Variants in SLC17A6 observed in about 807,000 individuals in gnomAD.
SLC17A6 encodes the protein vesicular glutamate transporter 2.
SLC17A6 carries 35 observed loss-of-function variants against 67.1 expected under a neutral mutation model. The observed-to-expected ratio is 0.52, with a 90% confidence interval of 0.40 to 0.69. The LOEUF is 0.69. SLC17A6 is among the 30% of genes least tolerant of loss of function. The pLI, the probability that SLC17A6 is intolerant of heterozygous loss-of-function variation, is 0.00. For missense variants in SLC17A6, 588 were observed against 723.9 expected (o/e 0.81, Z 2.15); for synonymous variants, 285 against 252.3 (o/e 1.13, Z -1.23).
chr11:22,343,634 CG>C (rs1338457202), intron 3 of SLC17A6, among the ~76,000 whole-genome samples: 1 of 152,122 alleles, frequency 6.6e-6, no homozygotes, highest in Non-Finnish European at 1.5e-5. Flanking sequence ...AAATAATCGA[CG>C]TGCTGTATGG....
At chr11:22,363,588 A>G (rs1315419902) in intron 6 of SLC17A6, among the ~76,000 whole-genome samples, 1 of 152,190 alleles carries the variant, frequency 6.6e-6, no homozygotes, top group Non-Finnish European at 1.5e-5. Context: ...GTAGAACAGT[A>G]TCTGGCTGCT....
At chr11:22,344,681 G>A (rs909890275) in intron 3 of SLC17A6, among the ~76,000 whole-genome samples, 2 of 152,132 alleles carry the variant, frequency 1.3e-5, no homozygotes, top group Admixed American at 6.6e-5. Context: ...TTGTGTATAT[G>A]TACCACATTT....
In SLC17A6 at chr11:22,338,417, T is replaced by G; in HGVS notation, c.-117T>G. On this transcript the variant is annotated 5_prime_UTR_variant, in exon 1 of 12. Transcript: ENST00000263160. ...TGCTGGAGGCGAGCCACTACCATTC[T>G]GCTGAGAAGGAAAAGCCCGCAACTA... The G allele has an allele frequency of 1.4e-6, 1 of 701,690 alleles. No homozygotes were observed. The highest frequency in any genetic ancestry group is 2.5e-6 in the Non-Finnish European group (1 of 399,892). 43.5% of individuals were successfully genotyped at this position (701,690 alleles called of 1,614,324 possible).
chr11:22,350,675 C>T (rs544283702), intron 3 of SLC17A6, among the ~76,000 whole-genome samples: 5 of 152,136 alleles, frequency 3.3e-5, no homozygotes, highest in South Asian at 4.1e-4. Flanking sequence ...TTTTCCCCAG[C>T]CCAATTACTG....
chr11:22,358,117 C>T (rs1856010889), intron 3 of SLC17A6, among the ~76,000 whole-genome samples: 1 of 152,090 alleles, frequency 6.6e-6, no homozygotes, highest in Non-Finnish European at 1.5e-5. Flanking sequence ...AAAGTGCCCA[C>T]AAGAAAGATT....
intron 1 of SLC17A6, among the ~76,000 whole-genome samples, chr11:22,340,774 A>G (rs921736054): frequency 6.6e-6 from 1 of 152,050 alleles, no homozygotes; most frequent in African/African-American, 2.4e-5. Context: ...AAAAAAAAAT[A>G]GTAAGAAGTG....
At position 22,372,221 on chromosome 11, in the gene SLC17A6, A is replaced by G. The variant is rs1026344236; in HGVS notation, c.1041+2033A>G. Among the ~76,000 whole-genome samples, 14 of 151,902 alleles carry G rather than the reference A, an allele frequency of 9.2e-5. No homozygotes were observed. The East Asian group carries it at 2.3e-3, about 25-fold the overall frequency. ...AGTTCAGACAGCACTGTATATATAA[A>G]TAAAATTGTAACATAGATTTTATAT... On this transcript the variant is annotated intron_variant, in intron 8 of 11. Transcript: ENST00000263160.
At chr11:22,352,693 A>C (rs1855954692) in intron 3 of SLC17A6, among the ~76,000 whole-genome samples, 1 of 152,218 alleles carries the variant, frequency 6.6e-6, no homozygotes, top group African/African-American at 2.4e-5. Context: ...AAGTCTTACA[A>C]AGGTGATCTA....
intron 3 of SLC17A6, among the ~76,000 whole-genome samples, chr11:22,352,794 G>A (rs770560370): frequency 1.3e-5 from 2 of 152,126 alleles, no homozygotes; most frequent in Non-Finnish European, 2.9e-5. Flanking sequence ...AGGATAAAGT[G>A]GAAGGACACT....
At chr11:22,340,296 A>G (rs926286751) in intron 1 of SLC17A6, among the ~76,000 whole-genome samples, 4 of 152,252 alleles carry the variant, frequency 2.6e-5, no homozygotes, top group Admixed American at 6.5e-5. Flanking sequence ...GAAAGTATCA[A>G]TCGCAAGGGG....
At chr11:22,339,706 A>G (rs1321913698) in intron 1 of SLC17A6, among the ~76,000 whole-genome samples, 1 of 152,186 alleles carries the variant, frequency 6.6e-6, no homozygotes, top group Admixed American at 6.5e-5. Flanking sequence ...AAAATGATCA[A>G]ACCACTCCCA....
rs1330246776 is a variant in SLC17A6, at chr11:22,379,356, A to G, written c.*1616A>G. On this transcript the variant is annotated 3_prime_UTR_variant, in exon 12 of 12. Coordinates refer to ENST00000263160, the MANE Select transcript of SLC17A6 (RefSeq NM_020346.3). ...AAAAATGCAAATCATTCTTTACCTT[A>G]AGAAAAAAAAAATACCCTTTGCTTT... is the stretch of plus-strand genomic sequence containing the variant. 1 of 152,366 alleles carries G rather than the reference A, an allele frequency of 6.6e-6. No individual in the cohort carries two copies. Among genetic ancestry groups the G allele is most frequent in the African/African-American group, 2.4e-5 (1 of 41,378 alleles). 9.4% of individuals were successfully genotyped at this position (152,366 alleles called of 1,614,324 possible).
intron 8 of SLC17A6, among the ~76,000 whole-genome samples, chr11:22,371,308 A>G (rs903519742): frequency 2.0e-5 from 3 of 152,008 alleles, no homozygotes; most frequent in South Asian, 2.1e-4. Context: ...TTCATATTCT[A>G]TCTCTACTTG....
intron 11 of SLC17A6, among the ~76,000 whole-genome samples, chr11:22,377,184 A>G (rs1856240908): frequency 6.6e-6 from 1 of 152,232 alleles, no homozygotes; most frequent in Non-Finnish European, 1.5e-5. Context: ...CCATAGATAT[A>G]TTTGTAATTT....
chr11:22,352,026 T>C (rs919778985), intron 3 of SLC17A6, among the ~76,000 whole-genome samples: 12 of 152,174 alleles, frequency 7.9e-5, no homozygotes, highest in African/African-American at 2.2e-4. Flanking sequence ...ATATAATATA[T>C]ATAACTATAT....
chr11:22,377,362 C>T (rs1856242612), intron 11 of SLC17A6, 43 bp from the exon 12 acceptor site: 1 of 1,517,592 alleles, frequency 6.6e-7, no homozygotes. Flanking sequence ...GCGTTTAAAT[C>T]ATGGGGAGTC....
chr11:22,343,303 T>C lies in SLC17A6; in HGVS notation c.396T>C (p.Phe132=), dbSNP rs187227329. The C allele has an allele frequency of 4.3e-5, 69 of 1,612,678 alleles. No homozygotes were observed. The highest frequency in any genetic ancestry group is 1.7e-4 in the Middle Eastern group (1 of 6,046). The stretch of plus-strand genomic sequence containing the variant: ...TGGGGATGATCCACGGTTCCTTCTT[T>C]TGGGGCTACATCATCACTCAGATTC... ...ETVGMIHGSF[F]WGYIITQIPG... Residue 132 remains phenylalanine, a synonymous_variant, in exon 3 of 12, where the codon TTT becomes TTC. Coordinates refer to ENST00000263160, the MANE Select transcript of SLC17A6 (RefSeq NM_020346.3).
intron 6 of SLC17A6, 69 bp from the exon 7 acceptor site, chr11:22,365,478 T>C (rs1374528125): frequency 1.4e-6 from 2 of 1,474,406 alleles, no homozygotes; most frequent in Non-Finnish European, 1.9e-6. Flanking sequence ...CTTGAGATGA[T>C]TGCAGTTTTA....
chr11:22,375,063 T>C (rs1856217693), intron 9 of SLC17A6, among the ~76,000 whole-genome samples, 176 bp downstream of exon 9: 1 of 152,218 alleles, frequency 6.6e-6, no homozygotes, highest in Non-Finnish European at 1.5e-5. Flanking sequence ...CTCCTAGTTT[T>C]AAGTAACTGC....
Sources: allele counts gnomAD v4.1 joint callset (sites outside exome capture counted in the v4.1 genomes callset), GRCh38; gene constraint gnomAD v4.1.1; transcripts MANE v1.5; gene names NCBI Gene and HGNC (gene_info 2026-07-23, HGNC 2026-07-21).